SLCO4C1: variants seen among roughly 807,000 people sequenced by gnomAD.
The protein encoded by SLCO4C1 is solute carrier organic anion transporter family member 4C1.
A neutral mutation model predicts 72.1 loss-of-function variants in SLCO4C1; 58 were observed. That is an observed-to-expected ratio of 0.80 (90% CI 0.65 to 1.00). The LOEUF is 1.00. SLCO4C1 is among the 50% of genes least tolerant of loss of function. The pLI is 0.00. For synonymous variants in SLCO4C1, 297 were observed against 312.5 expected, an observed-to-expected ratio of 0.95 and a Z score of 0.52; for missense variants, 898 against 857.9, an observed-to-expected ratio of 1.05 and a Z score of -0.58.
At chr5:102,263,842 C>T in intron 3 of SLCO4C1, 62 bp from the exon 4 acceptor site, 1 of 1,220,824 alleles carries the variant, frequency 8.2e-7, no homozygotes, top group Non-Finnish European at 1.2e-6. Context: ...GCATATCTAA[C>T]AGTGAAAACA....
chr5:102,291,668 C>A, intron 1 of SLCO4C1, 62 bp from the exon 2 acceptor site: 1 of 1,382,008 alleles, frequency 7.2e-7, no homozygotes, highest in African/African-American at 1.5e-5. Context: ...AGATTATTAA[C>A]ACAATGAAGT....
rs146826227 is a variant in SLCO4C1, at chr5:102,259,218, A to G, written c.1128+995T>C. On this transcript the variant is annotated intron_variant, in intron 6 of 12. Coordinates refer to ENST00000310954, the MANE Select transcript of SLCO4C1 (RefSeq NM_180991.5). The stretch of plus-strand genomic sequence containing the variant: ...CTAGGTGGTATCCTATCTAAGGAAA[A>G]CCAACAAGAAAATGTTGAATTCATA... Among the ~76,000 whole-genome samples the G allele has an allele frequency of 4.4e-3, 671 of 152,224 alleles. 12 individuals are homozygous for G. Among genetic ancestry groups the G allele is most frequent in the African/African-American group, 0.016 (644 of 41,548 alleles).
At chr5:102,295,575 A>T (rs1749633232) in intron 1 of SLCO4C1, among the ~76,000 whole-genome samples, 1 of 152,122 alleles carries the variant, frequency 6.6e-6, no homozygotes, top group Non-Finnish European at 1.5e-5. Flanking sequence ...TGTAAAATAA[A>T]CTCCCCAGGG....
At chr5:102,254,559 AGCT>A (rs2112352026) in intron 8 of SLCO4C1, among the ~76,000 whole-genome samples, 1 of 152,298 alleles carries the variant, frequency 6.6e-6, no homozygotes, top group Admixed American at 6.5e-5. Flanking sequence ...TATTTTAAGA[AGCT>A]GCCACAACTA....
intron 8 of SLCO4C1, among the ~76,000 whole-genome samples, chr5:102,251,553 G>A (rs416332): frequency 0.39 from 58,523 of 151,432 alleles, 11,623 homozygotes; most frequent in East Asian, 0.56. Flanking sequence ...TTGTGCCACT[G>A]CACTCTAGCC....
chr5:102,240,829 A>G, intron 10 of SLCO4C1, 47 bp from the exon 11 acceptor site: 2 of 1,365,700 alleles, frequency 1.5e-6, no homozygotes, highest in Non-Finnish European at 2.0e-6. Context: ...GGTATAGTAT[A>G]TTCACTCTTT....
At position 102,236,476 on chromosome 5, in the gene SLCO4C1, A is replaced by AT; in HGVS notation, c.*381dup. 6.5e-6 allele frequency: 1 copy of AT among 154,580 alleles called. No individual in the cohort carries two copies. The highest frequency in any genetic ancestry group is 1.4e-5 in the Non-Finnish European group (1 of 69,896). 9.6% of individuals were successfully genotyped at this position (154,580 alleles called of 1,614,324 possible). A position where few individuals can be genotyped will look rare whatever the true frequency, so the allele number is the denominator to read the frequency against. On this transcript the variant is annotated 3_prime_UTR_variant, in exon 13 of 13. Transcript: ENST00000310954. ...AAGTTGTAATGGGGATAGAAACAAC[A>AT]TTTTTTTTAAATGTAAATTTTTCTA...
chr5:102,251,943 T>C (rs1000279729), intron 8 of SLCO4C1, among the ~76,000 whole-genome samples: 7 of 150,004 alleles, frequency 4.7e-5, no homozygotes, highest in African/African-American at 1.7e-4. Flanking sequence ...GAGTTAGAAC[T>C]AGAAATGACA....
At position 102,241,586 on chromosome 5, in the gene SLCO4C1, G is replaced by T. The variant is rs553717995; in HGVS notation, c.1812-804C>A. The stretch of plus-strand genomic sequence containing the variant: ...TGAAAGCTATAAAACACTGATGAAA[G>T]AAATTGAAGAAGCCACAAATAAATG... On this transcript the variant is annotated intron_variant, in intron 10 of 12. Coordinates refer to ENST00000310954, the MANE Select transcript of SLCO4C1 (RefSeq NM_180991.5). 2.0e-5 allele frequency among the ~76,000 whole-genome samples: 3 copies of T among 152,052 alleles called. No homozygotes were observed. The South Asian group carries it at 6.2e-4, about 32-fold the overall frequency.
At chr5:102,241,291 C>T (rs1205008615) in intron 10 of SLCO4C1, among the ~76,000 whole-genome samples, 3 of 151,920 alleles carry the variant, frequency 2.0e-5, no homozygotes, top group East Asian at 3.9e-4. Context: ...TAAAAGGTAT[C>T]CAAATTGGGA....
chr5:102,238,385 A>T (rs1429948056), intron 12 of SLCO4C1, among the ~76,000 whole-genome samples: 1 of 152,170 alleles, frequency 6.6e-6, no homozygotes, highest in Non-Finnish European at 1.5e-5. Flanking sequence ...AAGTAATGGG[A>T]TGATTAATTT....
chr5:102,249,333 G>A (rs1004617551), intron 9 of SLCO4C1, among the ~76,000 whole-genome samples: 2 of 152,046 alleles, frequency 1.3e-5, no homozygotes, highest in African/African-American at 4.8e-5. Flanking sequence ...GCAGGGGTCC[G>A]GGAACCCATC....
intron 2 of SLCO4C1, among the ~76,000 whole-genome samples, chr5:102,290,548 T>G (rs17165544): frequency 0.021 from 3,202 of 152,308 alleles, 122 homozygotes; most frequent in African/African-American, 0.074. Flanking sequence ...CTTAACTTCT[T>G]AAAAATAATT....
intron 4 of SLCO4C1, among the ~76,000 whole-genome samples, chr5:102,263,010 C>G (rs1748969857): frequency 6.6e-6 from 1 of 152,132 alleles, no homozygotes; most frequent in Admixed American, 6.5e-5. Flanking sequence ...ACAAATTTCT[C>G]TAATCAGGAA....
chr5:102,291,039 C>T (rs553876039), intron 2 of SLCO4C1, among the ~76,000 whole-genome samples: 1 of 152,148 alleles, frequency 6.6e-6, no homozygotes, highest in Non-Finnish European at 1.5e-5. Flanking sequence ...CTAAAGATCT[C>T]AGAACTCCAA....
At chr5:102,287,693 T>C (rs1217967902) in intron 2 of SLCO4C1, among the ~76,000 whole-genome samples, 1 of 151,964 alleles carries the variant, frequency 6.6e-6, no homozygotes, top group Non-Finnish European at 1.5e-5. Flanking sequence ...TACAGGCATA[T>C]GCCACCACAC....
rs761227046 is a variant in SLCO4C1 at position 102,262,046 on chromosome 5, A to G, written c.900-13T>C. On this transcript the variant is annotated splice_polypyrimidine_tract_variant and intron_variant, in intron 4 of 12. Coordinates refer to ENST00000310954, the MANE Select transcript of SLCO4C1 (RefSeq NM_180991.5). ...AGTGACATCAGTGCTATATGATAGA[A>G]AAACAAGAGGTAAAAGTCAACTCTA... The G allele has an allele frequency of 6.3e-7, 1 of 1,593,518 alleles. No individual in the cohort carries two copies. Among genetic ancestry groups the G allele is most frequent in the East Asian group, 2.3e-5 (1 of 44,294 alleles).
intron 8 of SLCO4C1, among the ~76,000 whole-genome samples, 160 bp downstream of exon 8, chr5:102,256,955 A>G (rs1239555459): frequency 6.6e-6 from 1 of 152,190 alleles, no homozygotes; most frequent in Non-Finnish European, 1.5e-5. Context: ...GAAGACATCA[A>G]TTATCTAAAC....
At chr5:102,243,824 C>T (rs1190027497) in intron 10 of SLCO4C1, among the ~76,000 whole-genome samples, 1 of 152,032 alleles carries the variant, frequency 6.6e-6, no homozygotes, top group Non-Finnish European at 1.5e-5. Flanking sequence ...GCTGAGGAAA[C>T]TCAAATAAAT....
Sources: allele counts gnomAD v4.1 joint callset (sites outside exome capture counted in the v4.1 genomes callset), GRCh38; gene constraint gnomAD v4.1.1; transcripts MANE v1.5; gene names NCBI Gene and HGNC (gene_info 2026-07-23, HGNC 2026-07-21).